SPOCK3: variants seen among roughly 807,000 people sequenced by gnomAD.
The protein encoded by SPOCK3 is testican-3.
SPOCK3 carries 30 observed loss-of-function variants against 56.6 expected under a neutral mutation model. The observed-to-expected ratio is 0.53, with a 90% CI of 0.40 to 0.72. SPOCK3 has a LOEUF of 0.72. Among genes scored for constraint, SPOCK3 ranks in the 30% least tolerant of loss-of-function variants. The pLI is 0.00. For synonymous variants in SPOCK3, 196 were observed against 183.3 expected (o/e 1.07, Z -0.56); for missense variants, 527 against 530.0 (o/e 0.99, Z 0.06).
intron 2 of SPOCK3, among the ~76,000 whole-genome samples, chr4:167,205,286 ATTTTATATCTATAATATATATTATATATT>A (rs1733987053): frequency 2.2e-5 from 1 of 44,728 alleles, no homozygotes; most frequent in African/African-American, 8.5e-5. Flanking sequence ...TATTATATAT[ATTTTATATCTATAATATATATTATATATT>A]TTATATATAT....
Position 166,734,999 on chromosome 4 carries a change from A to G in SPOCK3, c.1224T>C (p.Asp408=). 2 of 1,547,436 alleles carry G rather than the reference A, an allele frequency of 1.3e-6. No individual in the cohort carries two copies. Among genetic ancestry groups the G allele is most frequent in the Non-Finnish European group, 8.9e-7 (1 of 1,119,914 alleles). Residue 408 remains aspartate, a synonymous_variant, in exon 11 of 11, where the codon GAT becomes GAC. Coordinates refer to ENST00000357545, the MANE Select transcript of SPOCK3 (RefSeq NM_001040159.2). ...CATCATCATCTTCAATTTCATCTTC[A>G]TCATTCATAATATCGTCTTCATCAT... ...DEDDEDDIMN[D]EDEIEDDDED...
rs1447009263 is a variant in SPOCK3, at chr4:166,844,700, A to AT, written c.589+44429dup. ...TAGATAGATGTAGATATAGATATAC[A>AT]TATCTATACAGATATACATCTCTAT... On this transcript the variant is annotated intron_variant, in intron 6 of 10. Transcript: ENST00000357545. 2.0e-5 allele frequency among the ~76,000 whole-genome samples: 3 copies of AT among 151,370 alleles called. No homozygotes were observed. In the East Asian group the frequency reaches 5.8e-4, roughly 29 times the overall value.
chr4:166,799,442 G>T (rs889262411), intron 6 of SPOCK3, among the ~76,000 whole-genome samples: 2 of 152,168 alleles, frequency 1.3e-5, no homozygotes, highest in Non-Finnish European at 2.9e-5. Flanking sequence ...CCAGGCTATT[G>T]CTACAACCGA....
At position 166,840,242 on chromosome 4, in the gene SPOCK3, C is replaced by T. The variant is rs550077012; in HGVS notation, c.590-47953G>A. On this transcript the variant is annotated intron_variant, in intron 6 of 10. Coordinates refer to ENST00000357545, the MANE Select transcript of SPOCK3 (RefSeq NM_001040159.2). ...CCTAGTGGAGAGGAAAATTCCAGCT[C>T]CCTACACAGCATTTTTTCATAGTAC... is the stretch of plus-strand genomic sequence containing the variant. Among the ~76,000 whole-genome samples the T allele has an allele frequency of 2.2e-3, 333 of 152,074 alleles. 2 individuals are homozygous for T. The highest frequency in any genetic ancestry group is 7.5e-3 in the African/African-American group (313 of 41,478).
chr4:166,742,234 C>CTATCTATCT lies in SPOCK3; in HGVS notation c.932-176_932-175insAGATAGATA, dbSNP rs1553961145. On this transcript the variant is annotated intron_variant, in intron 8 of 10. Coordinates refer to ENST00000357545, the MANE Select transcript of SPOCK3 (RefSeq NM_001040159.2). ...TAGGTACATACATGTGTCTATCTAT[C>CTATCTATCT]ATCTATCTATCTATCTATCTATCTA... is the stretch of plus-strand genomic sequence containing the variant. Among the ~76,000 whole-genome samples the CTATCTATCT allele has an allele frequency of 1.4e-3, 170 of 121,960 alleles. 1 individual carries two copies. The highest frequency in any genetic ancestry group is 3.9e-3 in the East Asian group (19 of 4,828). 80.0% of individuals were successfully genotyped at this position (121,960 alleles called of 152,430 possible). A position where few individuals can be genotyped will look rare whatever the true frequency, so the allele number is the denominator to read the frequency against.
chr4:166,750,047 C>G (rs1443648870), intron 8 of SPOCK3, among the ~76,000 whole-genome samples: 1 of 152,126 alleles, frequency 6.6e-6, no homozygotes, highest in African/African-American at 2.4e-5. Context: ...GATTAGTAAC[C>G]TCAGAGAATA....
chr4:166,924,662 TATC>T (rs1270344809), intron 4 of SPOCK3, among the ~76,000 whole-genome samples: 2 of 152,230 alleles, frequency 1.3e-5, no homozygotes, highest in South Asian at 2.1e-4. Flanking sequence ...ACTAATGACT[TATC>T]ATGTTTGCTG....
At chr4:167,107,811 T>G (rs1313023631) in intron 2 of SPOCK3, among the ~76,000 whole-genome samples, 2 of 151,724 alleles carry the variant, frequency 1.3e-5, no homozygotes, top group East Asian at 3.9e-4. Flanking sequence ...GTGAGCAATG[T>G]GAAAAAGAAA....
chr4:167,082,129 A>G (rs1757763482), intron 2 of SPOCK3, among the ~76,000 whole-genome samples: 1 of 152,134 alleles, frequency 6.6e-6, no homozygotes, highest in Non-Finnish European at 1.5e-5. Context: ...TTTGAAGCAC[A>G]TGTGTGCAAC....
chr4:167,076,666 A>C (rs890132039), intron 2 of SPOCK3, among the ~76,000 whole-genome samples: 1 of 151,816 alleles, frequency 6.6e-6, no homozygotes, highest in Non-Finnish European at 1.5e-5. Context: ...TATAATGATA[A>C]TCTACAAAAT....
chr4:166,976,104 C>A (rs561743254), intron 4 of SPOCK3, among the ~76,000 whole-genome samples: 83 of 151,988 alleles, frequency 5.5e-4, no homozygotes, highest in African/African-American at 2.0e-3. Context: ...ATACAACACT[C>A]TCCACCCACC....
intron 2 of SPOCK3, among the ~76,000 whole-genome samples, chr4:167,110,898 G>A (rs1288330787): frequency 6.6e-6 from 1 of 151,942 alleles, no homozygotes; most frequent in East Asian, 1.9e-4. Context: ...TACTGGTTGA[G>A]AGATTTTATT....
intron 7 of SPOCK3, among the ~76,000 whole-genome samples, chr4:166,771,702 A>G (rs758016505): frequency 4.6e-5 from 7 of 152,114 alleles, no homozygotes; most frequent in Non-Finnish European, 1.0e-4. Flanking sequence ...TTATATTGAT[A>G]TATGAATTGT....
intron 2 of SPOCK3, among the ~76,000 whole-genome samples, chr4:167,154,894 C>T (rs1012121595): frequency 6.6e-6 from 1 of 152,080 alleles, no homozygotes; most frequent in African/African-American, 2.4e-5. Context: ...AATAATGCTG[C>T]ACTTTCCAAT....
At chr4:166,769,315 G>T (rs1357764800) in intron 7 of SPOCK3, among the ~76,000 whole-genome samples, 1 of 151,942 alleles carries the variant, frequency 6.6e-6, no homozygotes. Flanking sequence ...CATCTTTGTG[G>T]TTTTATCTAC....
intron 3 of SPOCK3, among the ~76,000 whole-genome samples, chr4:167,018,401 G>A (rs1338947069): frequency 3.3e-5 from 5 of 151,992 alleles, no homozygotes; most frequent in Admixed American, 3.3e-4. Flanking sequence ...TTTAGTTTTG[G>A]AATTCTGGAG....
At chr4:166,896,285 A>G (rs1735372249) in intron 5 of SPOCK3, among the ~76,000 whole-genome samples, 2 of 152,092 alleles carry the variant, frequency 1.3e-5, no homozygotes, top group African/African-American at 4.8e-5. Flanking sequence ...TCAAGAAGAG[A>G]CAGAGCAAGA....
intron 3 of SPOCK3, among the ~76,000 whole-genome samples, chr4:167,044,074 T>C (rs1753491330): frequency 6.6e-6 from 1 of 152,036 alleles, no homozygotes; most frequent in South Asian, 2.1e-4. Flanking sequence ...CTGAGTTTCA[T>C]ATTTTTTGTT....
At chr4:166,842,106 A>G (rs777911254) in intron 6 of SPOCK3, among the ~76,000 whole-genome samples, 2 of 152,148 alleles carry the variant, frequency 1.3e-5, no homozygotes, top group African/African-American at 4.8e-5. Context: ...TGGCCTTAGG[A>G]GTGAAGCTGC....
Sources: gnomAD v4.1 joint callset for allele counts (sites outside exome capture counted in the v4.1 genomes callset) on GRCh38, gnomAD v4.1.1 for gene constraint, MANE v1.5 for transcripts, NCBI Gene and HGNC (gene_info 2026-07-23, HGNC 2026-07-21) for gene names.